The following MAP2K1 variants were observed in gnomAD, a reference collection of about 807,000 sequenced individuals.
The protein encoded by MAP2K1 is mitogen-activated protein kinase kinase 1, also known as dual specificity mitogen-activated protein kinase kinase 1.
A neutral mutation model predicts 46.3 loss-of-function variants in MAP2K1; 16 were observed. The ratio of observed to expected loss-of-function variants is 0.35; its 90% CI spans 0.23 to 0.52. The LOEUF (loss-of-function observed/expected upper bound fraction) is 0.52. Ranked by LOEUF, MAP2K1 falls within the 20% of genes least tolerant of loss-of-function variation. The probability of loss-of-function intolerance (pLI) is 0.94; values close to 1 mark genes in which losing one functional copy is unlikely to be tolerated. For synonymous variants in MAP2K1, 183 were observed against 185.6 expected (o/e 0.99, Z 0.11); for missense variants, 263 against 497.1 (o/e 0.53, Z 4.48).
At chr15:66,468,596 G>A (rs987820921) in intron 5 of MAP2K1, among the ~76,000 whole-genome samples, 1 of 152,026 alleles carries the variant, frequency 6.6e-6, no homozygotes, top group Non-Finnish European at 1.5e-5. Flanking sequence ...ACTGAATTCT[G>A]GGTCTCCAAA....
intron 5 of MAP2K1, among the ~76,000 whole-genome samples, chr15:66,464,692 A>G (rs1052213421): frequency 7.3e-5 from 11 of 151,340 alleles, no homozygotes; most frequent in African/African-American, 2.7e-4. Context: ...TGACCGGCTA[A>G]TTTTGTATTT....
chr15:66,481,410 A>C (rs771787172), intron 5 of MAP2K1, among the ~76,000 whole-genome samples: 3 of 152,128 alleles, frequency 2.0e-5, no homozygotes, highest in Non-Finnish European at 2.9e-5. Flanking sequence ...TCTTACCAGT[A>C]GGGGTGGTTG....
chr15:66,396,648 A>G (rs1469350615), intron 1 of MAP2K1, among the ~76,000 whole-genome samples: 8 of 152,124 alleles, frequency 5.3e-5, no homozygotes, highest in African/African-American at 1.9e-4. Context: ...ACTCCATGCC[A>G]TGCTCAGTTA....
chr15:66,431,228 T>A (rs2093474323), intron 1 of MAP2K1, among the ~76,000 whole-genome samples: 1 of 152,236 alleles, frequency 6.6e-6, no homozygotes, highest in South Asian at 2.1e-4. Context: ...TTTTAGAGAT[T>A]GGTGATATAG....
chr15:66,468,709 G>GGTGA (rs1892529981), intron 5 of MAP2K1, among the ~76,000 whole-genome samples: 1 of 152,078 alleles, frequency 6.6e-6, no homozygotes, highest in South Asian at 2.1e-4. Flanking sequence ...GAGGTGGGCG[G>GGTGA]ATCACGAGGT....
At position 66,485,892 on chromosome 15, in the gene MAP2K1, G is replaced by GT. The variant is rs773735552; in HGVS notation, c.895+709dup. On this transcript the variant is annotated intron_variant, in intron 7 of 10. Transcript: ENST00000307102. The stretch of plus-strand genomic sequence containing the variant: ...ACCATGACTGGCTTCTAATTTGTGG[G>GT]TTTTTTTTGTTTTGTTTTGTTTTTG... Among the ~76,000 whole-genome samples, 30 of 151,452 alleles carry GT rather than the reference G, an allele frequency of 2.0e-4. 1 individual carries two copies. The South Asian group carries it at 2.7e-3, about 14-fold the overall frequency.
At position 66,466,219 on chromosome 15, in the gene MAP2K1, C is replaced by T. The variant is rs2140641148; in HGVS notation, c.569-15536C>T. On this transcript the variant is annotated intron_variant, in intron 5 of 10. Coordinates refer to ENST00000307102, the MANE Select transcript of MAP2K1 (RefSeq NM_002755.4). ...AGCCTTGGTAAAACAACCAGTTTCT[C>T]CAATTGTGTCCTGTTACAAATGAAA... Among the ~76,000 whole-genome samples, 3 of 152,342 alleles carry T rather than the reference C, an allele frequency of 2.0e-5. 1 individual carries two copies. Among genetic ancestry groups the T allele is most frequent in the African/African-American group, 7.2e-5 (3 of 41,592 alleles).
At chr15:66,405,614 C>T (rs907005250) in intron 1 of MAP2K1, among the ~76,000 whole-genome samples, 2 of 152,116 alleles carry the variant, frequency 1.3e-5, no homozygotes, top group Non-Finnish European at 2.9e-5. Context: ...TTAGATTTTC[C>T]CATGCCCCAC....
intron 1 of MAP2K1, among the ~76,000 whole-genome samples, chr15:66,423,768 C>T (rs112747606): frequency 0.18 from 27,232 of 151,790 alleles, 3,125 homozygotes; most frequent in Middle Eastern, 0.29. Flanking sequence ...CCACCATGCC[C>T]GGCTAATTTT....
intron 1 of MAP2K1, among the ~76,000 whole-genome samples, chr15:66,429,674 C>CCCT (rs1555415583): frequency 1.7e-4 from 7 of 40,124 alleles, no homozygotes; most frequent in African/African-American, 3.6e-4. Flanking sequence ...GCCCCCCCCC[C>CCCT]CCCCGTCCCC....
intron 5 of MAP2K1, among the ~76,000 whole-genome samples, chr15:66,469,720 A>ACC (rs1892571101): frequency 6.9e-6 from 1 of 144,602 alleles, no homozygotes; most frequent in Non-Finnish European, 1.5e-5. Context: ...ACACACACAC[A>ACC]CACATATCGG....
chr15:66,423,091 G>T (rs1238790312), intron 1 of MAP2K1, among the ~76,000 whole-genome samples: 1 of 151,974 alleles, frequency 6.6e-6, no homozygotes, highest in African/African-American at 2.4e-5. Flanking sequence ...ATGAGCCACC[G>T]TGCCCAGCCT....
chr15:66,421,091 CATA>C (rs1567003688), intron 1 of MAP2K1, among the ~76,000 whole-genome samples: 2 of 54,798 alleles, frequency 3.6e-5, no homozygotes, highest in East Asian at 1.0e-3. Context: ...CATACACACA[CATA>C]CACACACACA....
intron 5 of MAP2K1, among the ~76,000 whole-genome samples, chr15:66,462,657 C>A (rs1255801536): frequency 6.6e-6 from 1 of 151,622 alleles, no homozygotes; most frequent in Non-Finnish European, 1.5e-5. Flanking sequence ...TAACAAGTGA[C>A]ATACATGATA....
chr15:66,409,966 G>C (rs2093407234), intron 1 of MAP2K1, among the ~76,000 whole-genome samples: 1 of 152,162 alleles, frequency 6.6e-6, no homozygotes, highest in Non-Finnish European at 1.5e-5. Flanking sequence ...TCTCCCCAGA[G>C]TATAACCACT....
rs563133067 is a variant in MAP2K1 at position 66,444,514 on chromosome 15, CAA to C, written c.517-141_517-140del. On this transcript the variant is annotated intron_variant, in intron 4 of 10. Coordinates refer to ENST00000307102, the MANE Select transcript of MAP2K1 (RefSeq NM_002755.4). ...CGCCATTGCATTCCAGCCTGGGCAACAAGAGTGAAACTGCGTCTCAAAGGAGG... is the reference window on the plus strand; with the variant it reads ...CGCCATTGCATTCCAGCCTGGGCAACGAGTGAAACTGCGTCTCAAAGGAGG... 198 of 695,740 alleles carry C rather than the reference CAA, an allele frequency of 2.8e-4. No individual in the cohort carries two copies. In the East Asian group the frequency reaches 5.3e-3, roughly 19 times the overall value. 43.1% of individuals were successfully genotyped at this position (695,740 alleles called of 1,614,324 possible).
In MAP2K1 at chr15:66,469,719, C is replaced by CACACACACACAT. The variant is rs968491730; in HGVS notation, c.569-12031_569-12030insCACACATACACA. 3.0e-3 allele frequency among the ~76,000 whole-genome samples: 433 copies of CACACACACACAT among 144,978 alleles called. 10 individuals are homozygous for CACACACACACAT. The highest frequency in any genetic ancestry group is 0.01 in the African/African-American group (412 of 39,842). The stretch of plus-strand genomic sequence containing the variant: ...ACACACACACACACACACACACACA[C>CACACACACACAT]ACACATATCGGATGTTAGCTTTTAA... On this transcript the variant is annotated intron_variant, in intron 5 of 10. Coordinates refer to ENST00000307102, the MANE Select transcript of MAP2K1 (RefSeq NM_002755.4).
intron 1 of MAP2K1, among the ~76,000 whole-genome samples, chr15:66,396,460 G>A (rs1273822105): frequency 6.6e-6 from 1 of 151,702 alleles, no homozygotes; most frequent in Non-Finnish European, 1.5e-5. Flanking sequence ...AGTAGAGACA[G>A]GATTTCACCA....
At chr15:66,462,853 G>T (rs970186836) in intron 5 of MAP2K1, among the ~76,000 whole-genome samples, 2 of 152,204 alleles carry the variant, frequency 1.3e-5, no homozygotes, top group African/African-American at 4.8e-5. Flanking sequence ...GGGGCCCTTA[G>T]GGAACGTGAG....
Sources: gnomAD v4.1 joint callset for allele counts (sites outside exome capture counted in the v4.1 genomes callset) on GRCh38, gnomAD v4.1.1 for gene constraint, MANE v1.5 for transcripts, NCBI Gene and HGNC (gene_info 2026-07-23, HGNC 2026-07-21) for gene names.